Variants in GRM8 observed in about 807,000 individuals in gnomAD.
GRM8 encodes glutamate metabotropic receptor 8, also known as metabotropic glutamate receptor 8.
GRM8 carries 47 observed loss-of-function variants against 87.2 expected under a neutral mutation model. That is an observed-to-expected ratio of 0.54 (90% confidence interval 0.43 to 0.69). GRM8 has a LOEUF of 0.69. Among genes scored for constraint, GRM8 ranks in the 30% least tolerant of loss-of-function variants. The pLI is 0.00. For synonymous variants in GRM8, 396 were observed against 404.5 expected, an observed-to-expected ratio of 0.98 and a Z score of 0.25; for missense variants, 1,019 against 1,139.2, an observed-to-expected ratio of 0.89 and a Z score of 1.52.
At chr7:126,542,837 T>C (rs1816703936) in intron 8 of GRM8, among the ~76,000 whole-genome samples, 1 of 152,192 alleles carries the variant, frequency 6.6e-6, no homozygotes, top group Non-Finnish European at 1.5e-5. Context: ...AGCAAGAATA[T>C]GAATTAGAGA....
At chr7:126,537,291 A>T (rs1198405867) in intron 8 of GRM8, among the ~76,000 whole-genome samples, 1 of 151,580 alleles carries the variant, frequency 6.6e-6, no homozygotes, top group Non-Finnish European at 1.5e-5. Context: ...CTAAATATGC[A>T]TGACTTAATT....
At chr7:127,127,653 G>A (rs1017278675) in intron 2 of GRM8, among the ~76,000 whole-genome samples, 1 of 151,948 alleles carries the variant, frequency 6.6e-6, no homozygotes, top group African/African-American at 2.4e-5. Flanking sequence ...ACTGTAAATG[G>A]CACAAGGAAA....
chr7:126,859,071 C>T (rs891188153), intron 6 of GRM8, among the ~76,000 whole-genome samples: 1 of 151,862 alleles, frequency 6.6e-6, no homozygotes, highest in Non-Finnish European at 1.5e-5. Flanking sequence ...GGGTTGGTTT[C>T]CATCAGGGCA....
chr7:126,843,613 G>A (rs1563241642), intron 6 of GRM8, among the ~76,000 whole-genome samples: 1 of 152,202 alleles, frequency 6.6e-6, no homozygotes, highest in Non-Finnish European at 1.5e-5. Flanking sequence ...TGTCTTGCAC[G>A]AAGAAGTGAG....
intron 3 of GRM8, among the ~76,000 whole-genome samples, chr7:126,966,570 G>T (rs1809889598): frequency 6.6e-6 from 1 of 152,102 alleles, no homozygotes; most frequent in Non-Finnish European, 1.5e-5. Flanking sequence ...GAGAAAGAGA[G>T]AAATATATAT....
At position 126,656,829 on chromosome 7, in the gene GRM8, A is replaced by T. The variant is rs190324044; in HGVS notation, c.1358-47331T>A. ...TTATCATTAATAATAATAATAATAA[A>T]AAGTTATGCCTCTCATCAGTAAGCA... On this transcript the variant is annotated intron_variant, in intron 7 of 10. Transcript: ENST00000339582. Among the ~76,000 whole-genome samples, 361 of 152,272 alleles carry T rather than the reference A, an allele frequency of 2.4e-3. 1 individual carries two copies. Among genetic ancestry groups the T allele is most frequent in the African/African-American group, 8.2e-3 (340 of 41,550 alleles).
intron 7 of GRM8, chr7:126,701,699 A>T: frequency 1.8e-6 from 1 of 568,404 alleles, no homozygotes; most frequent in Admixed American, 2.6e-5. Context: ...TTTTAGTTTT[A>T]GAAATCCTAC....
At chr7:127,210,687 C>T (rs1796161499) in intron 2 of GRM8, among the ~76,000 whole-genome samples, 1 of 152,216 alleles carries the variant, frequency 6.6e-6, no homozygotes, top group Admixed American at 6.5e-5. Flanking sequence ...TAGCCTAACA[C>T]TCTTTCCACT....
intron 3 of GRM8, among the ~76,000 whole-genome samples, chr7:127,041,689 G>T (rs1311784065): frequency 6.6e-6 from 1 of 152,210 alleles, no homozygotes; most frequent in Non-Finnish European, 1.5e-5. Context: ...GACACAGCCT[G>T]CTGTGTAAAA....
At chr7:127,090,251 G>T (rs1349487042) in intron 3 of GRM8, among the ~76,000 whole-genome samples, 1 of 152,060 alleles carries the variant, frequency 6.6e-6, no homozygotes, top group East Asian at 1.9e-4. Context: ...CCCTTCAAAG[G>T]CTTTTACCAG....
At chr7:126,791,971 G>A (rs7796521) in intron 6 of GRM8, among the ~76,000 whole-genome samples, 1 of 152,138 alleles carries the variant, frequency 6.6e-6, no homozygotes, top group Non-Finnish European at 1.5e-5. Flanking sequence ...CTGAAATCAG[G>A]AGTGCCTGGT....
At chr7:126,902,465 G>C in intron 6 of GRM8, 77 bp downstream of exon 6, 3 of 1,217,944 alleles carry the variant, frequency 2.5e-6, no homozygotes, top group Non-Finnish European at 2.3e-6. Context: ...TATCCATATA[G>C]AAAAACGTAA....
Position 126,446,429 on chromosome 7 carries a change from G to A in GRM8, c.2431-57C>T. 4 of 1,140,628 alleles carry A rather than the reference G, an allele frequency of 3.5e-6. No homozygotes were observed. In the Admixed American group the frequency reaches 8.8e-5, roughly 25 times the overall value. 70.7% of individuals were successfully genotyped at this position (1,140,628 alleles called of 1,614,324 possible). On this transcript the variant is annotated intron_variant, in intron 9 of 10. Transcript: ENST00000339582. ...GGTAAGCCTAACAGTAGGAGATAAAGCAAATAACATACTATTTTCTAAAAT... is the reference window on the plus strand; with the variant it reads ...GGTAAGCCTAACAGTAGGAGATAAAACAAATAACATACTATTTTCTAAAAT...
intron 3 of GRM8, among the ~76,000 whole-genome samples, chr7:127,033,210 G>A (rs1045807127): frequency 7.9e-5 from 12 of 151,766 alleles, no homozygotes; most frequent in East Asian, 1.9e-4. Context: ...ATAGACCTAC[G>A]TAACATATGC....
At chr7:126,580,957 TA>T (rs1229025115) in intron 8 of GRM8, among the ~76,000 whole-genome samples, 1 of 123,656 alleles carries the variant, frequency 8.1e-6, no homozygotes, top group Non-Finnish European at 1.9e-5. Flanking sequence ...CAAGAGGTCT[TA>T]AAAAAATAGA....
chr7:126,927,466 C>T (rs1242270437), intron 3 of GRM8, among the ~76,000 whole-genome samples: 3 of 152,052 alleles, frequency 2.0e-5, no homozygotes, highest in Non-Finnish European at 4.4e-5. Flanking sequence ...AATCAAAGGG[C>T]TCTTTTAAGT....
At chr7:126,614,976 C>T (rs1799308040) in intron 7 of GRM8, among the ~76,000 whole-genome samples, 1 of 152,098 alleles carries the variant, frequency 6.6e-6, no homozygotes, top group Non-Finnish European at 1.5e-5. Flanking sequence ...GAGAACTTCC[C>T]CAACCTAGCA....
chr7:127,151,532 C>T (rs1187063510), intron 2 of GRM8, among the ~76,000 whole-genome samples: 2 of 152,098 alleles, frequency 1.3e-5, no homozygotes, highest in African/African-American at 4.8e-5. Context: ...TCATCAACAA[C>T]GTTTTCTACA....
chr7:126,555,597 A>G (rs1388850606), intron 8 of GRM8, among the ~76,000 whole-genome samples: 2 of 152,210 alleles, frequency 1.3e-5, no homozygotes, highest in Non-Finnish European at 2.9e-5. Context: ...AATTGTTCTT[A>G]TATCAAATTA....
Sources: allele counts gnomAD v4.1 joint callset (sites outside exome capture counted in the v4.1 genomes callset), GRCh38; gene constraint gnomAD v4.1.1; transcripts MANE v1.5; gene names NCBI Gene and HGNC (gene_info 2026-07-23, HGNC 2026-07-21).